Variants in CFAP47 observed in about 807,000 individuals in gnomAD.
The protein encoded by CFAP47 is cilia and flagella associated protein 47.
Under a neutral mutation model 148.1 loss-of-function variants are expected in CFAP47, and 29 were observed. That is an observed-to-expected ratio of 0.20 (90% CI 0.15 to 0.27). The LOEUF (loss-of-function observed/expected upper bound fraction) is 0.27, where lower values mean the gene tolerates loss of function less well. Ranked by LOEUF, CFAP47 falls within the 10% of genes least tolerant of loss-of-function variation. CFAP47 has a pLI of 1.00. For synonymous variants in CFAP47, 664 were observed against 577.3 expected (o/e 1.15, Z -2.15); for missense variants, 1,872 against 1,697.5 (o/e 1.10, Z -1.81).
chrX:36,123,706 C>A (rs1297823435), intron 33 of CFAP47, among the ~76,000 whole-genome samples: 1 of 110,980 alleles, frequency 9.0e-6, no homozygotes, highest in Non-Finnish European at 1.9e-5. Context: ...TGTCCCAGAG[C>A]AGGTTGAGAA....
chrX:36,243,647 GTATATATATA>G (rs58640112), intron 48 of CFAP47, among the ~76,000 whole-genome samples: 661 of 64,211 alleles, frequency 0.01, 8 homozygotes, highest in East Asian at 0.06. Flanking sequence ...ATATGTGTGT[GTATATATATA>G]TATATATATA....
intron 45 of CFAP47, among the ~76,000 whole-genome samples, chrX:36,209,022 T>G (rs1555989149): frequency 8.9e-6 from 1 of 112,062 alleles, no homozygotes; most frequent in African/African-American, 3.2e-5. Context: ...ACATACTTTG[T>G]AAATAAACTC....
chrX:36,171,115 A>G (rs1169252616), intron 39 of CFAP47, among the ~76,000 whole-genome samples: 2 of 110,158 alleles, frequency 1.8e-5, no homozygotes, highest in African/African-American at 3.3e-5. Context: ...GTGTCCGTTC[A>G]TGTCCTTTGC....
intron 30 of CFAP47, among the ~76,000 whole-genome samples, chrX:36,086,427 A>G (rs1454568099): frequency 9.0e-6 from 1 of 111,587 alleles, no homozygotes; most frequent in East Asian, 2.8e-4. Flanking sequence ...TATGGTTAAT[A>G]TATTTTTAGA....
At chrX:35,994,541 A>G (rs933047168) in intron 18 of CFAP47, among the ~76,000 whole-genome samples, 3 of 111,524 alleles carry the variant, frequency 2.7e-5, no homozygotes, top group Non-Finnish European at 5.7e-5. Context: ...AATATAATAA[A>G]AACTGATTTC....
chrX:36,317,706 C>T, intron 56 of CFAP47, among the ~76,000 whole-genome samples: 1 of 110,342 alleles, frequency 9.1e-6, no homozygotes, highest in African/African-American at 3.3e-5. Flanking sequence ...GCGTGAGCCG[C>T]CGTGCCTGGC....
At chrX:36,067,758 G>A (rs1008607258) in intron 27 of CFAP47, among the ~76,000 whole-genome samples, 1 of 107,186 alleles carries the variant, frequency 9.3e-6, no homozygotes, top group Non-Finnish European at 1.9e-5. Flanking sequence ...CGCCTCCCAA[G>A]TTCACGCCAT....
Position 36,011,754 on chromosome X carries a change from A to C in CFAP47, c.3418-3020A>C, listed in dbSNP as rs150057339. Among the ~76,000 whole-genome samples the C allele has an allele frequency of 5.4e-3, 603 of 111,689 alleles. 6 individuals carry two copies. Among genetic ancestry groups the C allele is most frequent in the African/African-American group, 0.019 (576 of 30,776 alleles). ...TTCCTTGTAGATTGTGGGTATTAGAACTTTGTCAGATGGGTAGATTGCAAA... is the reference window on the plus strand; with the variant it reads ...TTCCTTGTAGATTGTGGGTATTAGACCTTTGTCAGATGGGTAGATTGCAAA... On this transcript the variant is annotated intron_variant, in intron 21 of 63. Coordinates refer to ENST00000378653, the MANE Select transcript of CFAP47 (RefSeq NM_001304548.2).
chrX:36,272,624 G>A (rs782179948), intron 49 of CFAP47, among the ~76,000 whole-genome samples: 60 of 110,407 alleles, frequency 5.4e-4, no homozygotes, highest in Non-Finnish European at 9.7e-4. Flanking sequence ...ATCTTTAAAG[G>A]GCAGTATTTT....
At chrX:36,295,055 C>G (rs1328220762) in intron 51 of CFAP47, among the ~76,000 whole-genome samples, 1 of 111,890 alleles carries the variant, frequency 8.9e-6, no homozygotes, top group African/African-American at 3.2e-5. Context: ...TTTCTTTAAA[C>G]AGCCATTATG....
intron 62 of CFAP47, chrX:36,375,089 T>C: frequency 5.0e-6 from 2 of 399,340 alleles, no homozygotes; most frequent in Non-Finnish European, 9.3e-6. Context: ...GGATGATGAC[T>C]TTGGAGCATG....
intron 50 of CFAP47, among the ~76,000 whole-genome samples, chrX:36,281,892 G>A (rs1370417856): frequency 9.0e-6 from 1 of 111,683 alleles, no homozygotes. Flanking sequence ...TATGGTGGTG[G>A]TGGTGATGGA....
intron 21 of CFAP47, among the ~76,000 whole-genome samples, chrX:36,004,815 A>G (rs765503756): frequency 9.0e-6 from 1 of 110,811 alleles, no homozygotes; most frequent in Non-Finnish European, 1.9e-5. Flanking sequence ...TGATTGCACA[A>G]TTCTGTAAAT....
At chrX:36,010,935 CTTTTG>C (rs921406066) in intron 21 of CFAP47, among the ~76,000 whole-genome samples, 2 of 111,103 alleles carry the variant, frequency 1.8e-5, no homozygotes, top group African/African-American at 6.5e-5. Context: ...TCTTCATAAT[CTTTTG>C]TTTTGTTTTG....
chrX:36,327,704 T>G (rs782316458), intron 57 of CFAP47, among the ~76,000 whole-genome samples: 201 of 111,873 alleles, frequency 1.8e-3, no homozygotes, highest in Non-Finnish European at 3.2e-3. Context: ...ATAGCAAAGA[T>G]ATGCAATCAA....
At chrX:36,013,779 T>C (rs1937066909) in intron 21 of CFAP47, among the ~76,000 whole-genome samples, 1 of 112,179 alleles carries the variant, frequency 8.9e-6, no homozygotes, top group African/African-American at 3.2e-5. Context: ...CTGACTTCTC[T>C]CACTTAGCAT....
chrX:35,940,249 T>G (rs1193403714), intron 2 of CFAP47, among the ~76,000 whole-genome samples: 2 of 111,437 alleles, frequency 1.8e-5, no homozygotes, highest in Non-Finnish European at 3.8e-5. Flanking sequence ...GTAGGTTGCC[T>G]GTTCACTCTG....
At chrX:36,339,774 TA>T (rs782246605) in intron 57 of CFAP47, among the ~76,000 whole-genome samples, 285 of 112,362 alleles carry the variant, frequency 2.5e-3, no homozygotes, top group Middle Eastern at 9.3e-3. Context: ...TTTGTGCTAA[TA>T]TATTCTTAAA....
chrX:36,304,433 T>G (rs2146959954), intron 54 of CFAP47, among the ~76,000 whole-genome samples: 1 of 110,948 alleles, frequency 9.0e-6, no homozygotes, highest in African/African-American at 3.3e-5. Context: ...ACTTCTCCCC[T>G]TGAATTTTAA....
Sources: gnomAD v4.1 joint callset for allele counts (sites outside exome capture counted in the v4.1 genomes callset) on GRCh38, gnomAD v4.1.1 for gene constraint, MANE v1.5 for transcripts, NCBI Gene and HGNC (gene_info 2026-07-23, HGNC 2026-07-21) for gene names.